SORT1: variants seen among roughly 807,000 people sequenced by gnomAD.
The protein encoded by SORT1 is sortilin 1, also known as sortilin.
In SORT1, 39 loss-of-function variants were observed where a neutral mutation model predicts 101.7. That is an observed-to-expected ratio of 0.38 (90% CI 0.30 to 0.50). The LOEUF is 0.50. SORT1 is among the 20% of genes least tolerant of loss of function. The pLI is 0.90. For missense variants in SORT1, 878 were observed against 1,040.4 expected, an observed-to-expected ratio of 0.84 and a Z score of 2.15; for synonymous variants, 396 against 393.7, an observed-to-expected ratio of 1.01 and a Z score of -0.07.
chr1:109,381,870 GA>G (rs59107584), intron 1 of SORT1, among the ~76,000 whole-genome samples: 3,459 of 140,984 alleles, frequency 0.025, 140 homozygotes, highest in African/African-American at 0.085. Context: ...CCTTAAAAAA[GA>G]AAAAAAAAAG....
At chr1:109,335,921 A>G (rs1648792405) in intron 11 of SORT1, among the ~76,000 whole-genome samples, 1 of 152,214 alleles carries the variant, frequency 6.6e-6, no homozygotes, top group Non-Finnish European at 1.5e-5. Context: ...GAACCTCTAA[A>G]GTCTCCCAGC....
chr1:109,340,755 G>A lies in SORT1; in HGVS notation c.1233C>T (p.Arg411=), dbSNP rs756599406. ...ETDFTNVTSL[R]GVYITSVLSE... ...AGAGCACGCTTGTTATGTAGACGCC[G>A]CGGAGGGAGGTCACGTTGGTAAAGT... The change falls in exon 10 of 20, where the codon CGC becomes CGT. Residue 411 remains arginine, a synonymous_variant. Transcript: ENST00000256637. The A allele has an allele frequency of 1.2e-5, 19 of 1,613,980 alleles. No individual in the cohort carries two copies. Among genetic ancestry groups the A allele is most frequent in the Middle Eastern group, 3.3e-4 (2 of 6,082 alleles).
chr1:109,360,114 G>C lies in SORT1; in HGVS notation c.441-4645C>G, dbSNP rs74480657. Among the ~76,000 whole-genome samples, 970 of 152,202 alleles carry C rather than the reference G, an allele frequency of 6.4e-3. 13 individuals carry two copies. The highest frequency in any genetic ancestry group is 0.021 in the African/African-American group (890 of 41,540). The stretch of plus-strand genomic sequence containing the variant: ...TTATTTTTAAAGAGTAGGTCTTAAG[G>C]CTGGGCATCCTCCCACCTCGGCCTC... On this transcript the variant is annotated intron_variant, in intron 3 of 19. Transcript: ENST00000256637.
At chr1:109,368,889 T>C (rs1341517819) in intron 2 of SORT1, 2 of 152,432 alleles carry the variant, frequency 1.3e-5, no homozygotes, top group Non-Finnish European at 2.9e-5. Flanking sequence ...TGTTTCTATA[T>C]AGGGGTTTCC....
chr1:109,369,166 C>G (rs908149732), intron 2 of SORT1, among the ~76,000 whole-genome samples: 1 of 152,050 alleles, frequency 6.6e-6, no homozygotes, highest in African/African-American at 2.4e-5. Context: ...ACTAAAAATA[C>G]AAAAAATCAG....
intron 6 of SORT1, among the ~76,000 whole-genome samples, chr1:109,349,409 T>C (rs867522976): frequency 2.0e-5 from 3 of 152,024 alleles, no homozygotes; most frequent in Non-Finnish European, 4.4e-5. Context: ...TTCATTAGAA[T>C]ACATAAAACG....
At chr1:109,318,037 G>A in intron 15 of SORT1, 68 bp from the exon 16 acceptor site, 2 of 937,052 alleles carry the variant, frequency 2.1e-6, no homozygotes, top group South Asian at 1.4e-5. Context: ...TAGCAATGAA[G>A]GGTTATGTGG....
intron 10 of SORT1, among the ~76,000 whole-genome samples, chr1:109,336,702 G>T (rs111886586): frequency 6.6e-6 from 1 of 151,726 alleles, no homozygotes; most frequent in Non-Finnish European, 1.5e-5. Flanking sequence ...CCAGCTACTC[G>T]GGAGGCCGGG....
chr1:109,325,726 G>C (rs771067686), intron 13 of SORT1, among the ~76,000 whole-genome samples: 4 of 151,640 alleles, frequency 2.6e-5, no homozygotes, highest in Non-Finnish European at 5.9e-5. Flanking sequence ...TGTAATCCCA[G>C]AATTTTGGGA....
chr1:109,325,006 G>A lies in SORT1; in HGVS notation c.1727C>T (p.Pro576Leu). The change falls in exon 14 of 20, where the codon CCT (proline) becomes CTT (leucine). Residue 576 changes from proline (P) to leucine (L), a missense_variant. Physicochemically the swap from Pro to Leu is moderately conservative, Grantham distance 98. Coordinates refer to ENST00000256637, the MANE Select transcript of SORT1 (RefSeq NM_002959.7). ...GCTGATATTCATGGACCTAGCTCCA[G>A]GTTCTGAAGCTAGGCCAGTGAAATA... is the stretch of plus-strand genomic sequence containing the variant. ...PIYFTGLASEPGARSMNISIW... is the reference protein window; with the variant it reads ...PIYFTGLASELGARSMNISIW... The A allele has an allele frequency of 6.2e-7, 1 of 1,613,796 alleles. No homozygotes were observed. Among genetic ancestry groups the A allele is most frequent in the Non-Finnish European group, 8.5e-7 (1 of 1,179,712 alleles).
At chr1:109,365,268 G>A (rs923694238) in intron 3 of SORT1, among the ~76,000 whole-genome samples, 19 of 152,126 alleles carry the variant, frequency 1.2e-4, no homozygotes, top group African/African-American at 4.3e-4. Flanking sequence ...CTGTCACCCA[G>A]CCTGGAGTGC....
intron 3 of SORT1, among the ~76,000 whole-genome samples, chr1:109,359,547 T>A (rs1650572476): frequency 6.6e-6 from 1 of 152,198 alleles, no homozygotes; most frequent in South Asian, 2.1e-4. Flanking sequence ...TTACCCAGGC[T>A]GGAGTGCAAT....
At chr1:109,345,324 G>A (rs569302131) in intron 8 of SORT1, among the ~76,000 whole-genome samples, 23 of 152,170 alleles carry the variant, frequency 1.5e-4, no homozygotes, top group African/African-American at 5.1e-4. Flanking sequence ...AGACCAGCCC[G>A]GCCAACATGG....
chr1:109,338,468 T>A (rs1648991330), intron 10 of SORT1, among the ~76,000 whole-genome samples: 1 of 151,858 alleles, frequency 6.6e-6, no homozygotes, highest in Admixed American at 6.6e-5. Flanking sequence ...ACTTTAAGAG[T>A]CTTTGTACTT....
chr1:109,350,822 A>G, intron 6 of SORT1, 107 bp downstream of exon 6: 1 of 792,514 alleles, frequency 1.3e-6, no homozygotes. Context: ...GGCACCCTGA[A>G]GAGTACTTGG....
intron 2 of SORT1, among the ~76,000 whole-genome samples, chr1:109,367,908 T>G (rs76701916): frequency 6.6e-6 from 1 of 152,178 alleles, no homozygotes; most frequent in Non-Finnish European, 1.5e-5. Context: ...ATTCATTTTT[T>G]CAGTACCTTA....
chr1:109,359,533 C>A (rs574732325), intron 3 of SORT1, among the ~76,000 whole-genome samples: 1 of 152,240 alleles, frequency 6.6e-6, no homozygotes, highest in East Asian at 1.9e-4. Context: ...GAGTTCCACT[C>A]TTGTTACCCA....
chr1:109,330,955 G>A (rs1203090496), intron 11 of SORT1, among the ~76,000 whole-genome samples: 1 of 152,078 alleles, frequency 6.6e-6, no homozygotes, highest in Non-Finnish European at 1.5e-5. Flanking sequence ...ATATGAGTAA[G>A]GAGGCTCAAT....
intron 1 of SORT1, chr1:109,392,717 C>T: frequency 2.0e-6 from 2 of 984,482 alleles, no homozygotes; most frequent in Non-Finnish European, 2.4e-6. Flanking sequence ...ATCAAATCTG[C>T]TGATACTTCT....
Sources: gnomAD v4.1 joint callset for allele counts (sites outside exome capture counted in the v4.1 genomes callset) on GRCh38, gnomAD v4.1.1 for gene constraint, MANE v1.5 for transcripts, NCBI Gene and HGNC (gene_info 2026-07-23, HGNC 2026-07-21) for gene names.